Variants in LPA observed in about 807,000 individuals in gnomAD.
LPA encodes apolipoprotein(a).
LPA carries 199 observed loss-of-function variants against 197.9 expected under a neutral mutation model. That is an observed-to-expected ratio of 1.01 (90% CI 0.90 to 1.13). The LOEUF is 1.13. Ranked by LOEUF, LPA falls within the 50% of genes most tolerant of loss-of-function variation. The probability of loss-of-function intolerance (pLI) is 0.00; values close to 1 mark genes in which losing one functional copy is unlikely to be tolerated. For synonymous variants in LPA, 715 were observed against 639.5 expected (o/e 1.12, Z -1.78); for missense variants, 1,853 against 1,785.8 (o/e 1.04, Z -0.68).
At chr6:160,654,004 A>ATT (rs1562354694) in intron 1 of LPA, among the ~76,000 whole-genome samples, 5 of 5,896 alleles carry the variant, frequency 8.5e-4, no homozygotes, top group African/African-American at 2.9e-3. Flanking sequence ...TATTATATAT[A>ATT]ATATATATTA....
In LPA at chr6:160,600,989, C is replaced by T. The variant is rs974496756; in HGVS notation, c.3055G>A (p.Asp1019Asn). The T allele has an allele frequency of 4.3e-6, 7 of 1,613,970 alleles. No homozygotes were observed. Among genetic ancestry groups the T allele is most frequent in the Admixed American group, 1.7e-5 (1 of 60,010 alleles). Residue 1019 changes from aspartate (D) to asparagine (N), a missense_variant, in exon 19 of 39, where the codon GAT becomes AAT. Transcript: ENST00000316300. ...WEYCNLTRCSDAEWTAFVPPN... is the reference protein window; with the variant it reads ...WEYCNLTRCSNAEWTAFVPPN... ...GGGACGAAGGCAGTCCATTCTGCAT[C>T]TGAGCATCGTGTCAGGTTGCAGTAC...
chr6:160,637,677 CT>C (rs1315952937), intron 6 of LPA, among the ~76,000 whole-genome samples: 2,151 of 134,846 alleles, frequency 0.016, 80 homozygotes, highest in Middle Eastern at 0.15. Context: ...TTAAGACATA[CT>C]TTTTTTATAC....
At chr6:160,543,552 T>A (rs1778018117) in intron 33 of LPA, among the ~76,000 whole-genome samples, 1 of 152,192 alleles carries the variant, frequency 6.6e-6, no homozygotes, top group African/African-American at 2.4e-5. Context: ...AACTTTTCAT[T>A]TGCTGTGGGT....
At chr6:160,587,162 T>C (rs780074988) in intron 24 of LPA, among the ~76,000 whole-genome samples, 18 of 152,220 alleles carry the variant, frequency 1.2e-4, no homozygotes, top group Non-Finnish European at 2.1e-4. Context: ...CTTTCACACC[T>C]GGAGGATGCT....
At position 160,565,826 on chromosome 6, in the gene LPA, G is replaced by A. The variant is rs564391413; in HGVS notation, c.4632-8255C>T. 2.7e-4 allele frequency among the ~76,000 whole-genome samples: 41 copies of A among 152,298 alleles called. 1 individual carries two copies. The East Asian group carries it at 7.7e-3, about 29-fold the overall frequency. ...AGACTAAAATAAACAGCATAGAGAAGACCTTAAATGATCTAATGGAGCTGA... is the reference window on the plus strand; with the variant it reads ...AGACTAAAATAAACAGCATAGAGAAAACCTTAAATGATCTAATGGAGCTGA... On this transcript the variant is annotated intron_variant, in intron 28 of 38. Coordinates refer to ENST00000316300, the MANE Select transcript of LPA (RefSeq NM_005577.4).
At chr6:160,578,858 T>C (rs1289369614) in intron 26 of LPA, among the ~76,000 whole-genome samples, 154 bp from the exon 27 acceptor site, 1 of 152,234 alleles carries the variant, frequency 6.6e-6, no homozygotes, top group Non-Finnish European at 1.5e-5. Flanking sequence ...CAAATGGTCT[T>C]CAGCTTCAAC....
At chr6:160,580,569 A>C (rs1421947672) in intron 26 of LPA, among the ~76,000 whole-genome samples, 1 of 152,168 alleles carries the variant, frequency 6.6e-6, no homozygotes, top group Non-Finnish European at 1.5e-5. Context: ...AATCGGTGAC[A>C]CCACTTATTA....
rs545009993 is a variant in LPA, at chr6:160,571,269, G to A, written c.4631+5867C>T. Among the ~76,000 whole-genome samples the A allele has an allele frequency of 2.3e-3, 343 of 152,242 alleles. 1 individual carries two copies. The highest frequency in any genetic ancestry group is 7.9e-3 in the African/African-American group (326 of 41,524). On this transcript the variant is annotated intron_variant, in intron 28 of 38. Transcript: ENST00000316300. ...GCTTACTGTAGTTAGCAATTCCTCT[G>A]ACCTTTTTCAAGGTTCTTAGCTTCC...
At chr6:160,605,532 T>C (rs1779331146) in intron 17 of LPA, among the ~76,000 whole-genome samples, 1 of 152,190 alleles carries the variant, frequency 6.6e-6, no homozygotes, top group Non-Finnish European at 1.5e-5. Context: ...AGCACATTTA[T>C]GGGAATTTCT....
At chr6:160,542,650 G>A (rs1226988081) in intron 34 of LPA, 38 bp downstream of exon 34, 1 of 1,611,566 alleles carries the variant, frequency 6.2e-7, no homozygotes, top group Non-Finnish European at 8.5e-7. Flanking sequence ...GGGCTTACAT[G>A]GAAGGACAGT....
At chr6:160,601,239 G>A in intron 18 of LPA, 141 bp from the exon 19 acceptor site, 1 of 732,818 alleles carries the variant, frequency 1.4e-6, no homozygotes, top group South Asian at 1.6e-5. Flanking sequence ...AATGACAAAT[G>A]GCTCTCAATC....
chr6:160,589,800 A>G (rs1388161589), intron 23 of LPA, 88 bp from the exon 24 acceptor site: 9 of 1,471,702 alleles, frequency 6.1e-6, no homozygotes, highest in Non-Finnish European at 8.5e-6. Flanking sequence ...ACAGGACATC[A>G]TCTCTGAAAA....
At chr6:160,609,076 C>T (rs537134985) in intron 16 of LPA, among the ~76,000 whole-genome samples, 28 of 152,060 alleles carry the variant, frequency 1.8e-4, no homozygotes, top group African/African-American at 5.1e-4. Flanking sequence ...TGTTTTATTA[C>T]ATATTCATCT....
intron 28 of LPA, among the ~76,000 whole-genome samples, chr6:160,573,546 T>G (rs1427259466): frequency 6.6e-6 from 1 of 152,320 alleles, no homozygotes; most frequent in East Asian, 1.9e-4. Context: ...CCTTCTCATT[T>G]GGGTAGACTG....
At chr6:160,546,401 G>A (rs1267063484) in intron 32 of LPA, among the ~76,000 whole-genome samples, 1 of 152,172 alleles carries the variant, frequency 6.6e-6, no homozygotes, top group East Asian at 1.9e-4. Flanking sequence ...CTTCCCACGT[G>A]CCTTGCCCTG....
chr6:160,595,654 AGG>A, intron 20 of LPA, 119 bp from the exon 21 acceptor site: 1 of 1,445,080 alleles, frequency 6.9e-7, no homozygotes, highest in Non-Finnish European at 9.5e-7. Flanking sequence ...TTTTCACTAA[AGG>A]TCCCATAATA....
At chr6:160,558,329 G>A (rs968781813) in intron 28 of LPA, among the ~76,000 whole-genome samples, 14 of 152,060 alleles carry the variant, frequency 9.2e-5, no homozygotes, top group Admixed American at 9.2e-4. Flanking sequence ...TATTACTTCA[G>A]GGAAGAAACA....
Position 160,593,968 on chromosome 6 carries a change from A to T in LPA, c.3619T>A (p.Tyr1207Asn). 1 of 1,613,822 alleles carries T rather than the reference A, an allele frequency of 6.2e-7. No individual in the cohort carries two copies. Among genetic ancestry groups the T allele is most frequent in the Non-Finnish European group, 8.5e-7 (1 of 1,179,792 alleles). Residue 1207 changes from tyrosine (Y) to asparagine (N), a missense_variant, in exon 22 of 39, where the codon TAT becomes AAT. Physicochemically the swap from Tyr to Asn is moderately radical, Grantham distance 143. Coordinates refer to ENST00000316300, the MANE Select transcript of LPA (RefSeq NM_005577.4). ...AACTCAAGGTTGTACCCATTTGGAT[A>T]ATATTCTGTTGTCCTCTGATGCCAG... is the stretch of plus-strand genomic sequence containing the variant. ...PHWHQRTTEY[Y>N]PNGGLTRNYC...
chr6:160,650,523 G>A, intron 1 of LPA, 26 bp from the exon 2 acceptor site: 6 of 1,611,068 alleles, frequency 3.7e-6, no homozygotes, highest in Non-Finnish European at 5.1e-6. Flanking sequence ...AAGAAATCAA[G>A]CTGAATAGTT....
Sources: gnomAD v4.1 joint callset for allele counts (sites outside exome capture counted in the v4.1 genomes callset) on GRCh38, gnomAD v4.1.1 for gene constraint, MANE v1.5 for transcripts, NCBI Gene and HGNC (gene_info 2026-07-23, HGNC 2026-07-21) for gene names.